The following FUNDC2 variants were observed in gnomAD, a reference collection of about 807,000 sequenced individuals.
FUNDC2 encodes the protein FUN14 domain-containing protein 2.
FUNDC2 carries 4 observed loss-of-function variants against 15.6 expected under a neutral mutation model. That is an observed-to-expected ratio of 0.26 (90% CI 0.13 to 0.59). FUNDC2 has a LOEUF of 0.59. FUNDC2 is among the 20% of genes least tolerant of loss of function. The pLI is 0.90. For missense variants in FUNDC2, 98 were observed against 149.7 expected, an observed-to-expected ratio of 0.65 and a Z score of 1.80; for synonymous variants, 44 against 56.9, an observed-to-expected ratio of 0.77 and a Z score of 1.02.
Position 155,058,556 on chromosome X carries a change from A to G in FUNDC2, c.*3884A>G, listed in dbSNP as rs1410805697. On this transcript the variant is annotated 3_prime_UTR_variant, in exon 5 of 5. Transcript: ENST00000369498. ...AAGCTCACAGCCAGTTTTGGACCCC[A>G]GAGAAAAATGTGGCTGCTGCCCTCT... 1 of 110,247 alleles carries G rather than the reference A, an allele frequency of 9.1e-6. No homozygotes were observed. Among genetic ancestry groups the G allele is most frequent in the Non-Finnish European group, 1.9e-5 (1 of 52,826 alleles). The allele number at this position is 110,247 out of a possible 1,213,427, so 9.1% of individuals were successfully genotyped here.
In FUNDC2 at chrX:155,059,946, G is replaced by C. The variant is rs1236812061; in HGVS notation, c.*5274G>C. 1.8e-5 allele frequency: 2 copies of C among 111,493 alleles called. No individual in the cohort carries two copies. The highest frequency in any genetic ancestry group is 6.5e-5 in the African/African-American group (2 of 30,565). 9.2% of individuals were successfully genotyped at this position (111,493 alleles called of 1,213,427 possible). A position where few individuals can be genotyped will look rare whatever the true frequency, so the allele number is the denominator to read the frequency against. On this transcript the variant is annotated 3_prime_UTR_variant, in exon 5 of 5. Coordinates refer to ENST00000369498, the MANE Select transcript of FUNDC2 (RefSeq NM_023934.4). Reference sequence around the variant, plus strand: ...CACTCCCCTTTTGCTTTCTGCCATGGCTGTAAGTTTCCTGAGGCGTCCCCA... The same window carrying C: ...CACTCCCCTTTTGCTTTCTGCCATGCCTGTAAGTTTCCTGAGGCGTCCCCA...
At chrX:155,046,085 A>G (rs782720037) in intron 2 of FUNDC2, among the ~76,000 whole-genome samples, 50 of 108,377 alleles carry the variant, frequency 4.6e-4, no homozygotes, top group African/African-American at 1.6e-3. Context: ...CCTTGCAACC[A>G]TCCTGTCCTC....
rs1443059519 is a variant in FUNDC2 at position 155,055,390 on chromosome X, T to G, written c.*718T>G. 3 of 294,184 alleles carry G rather than the reference T, an allele frequency of 1.0e-5. No homozygotes were observed. The highest frequency in any genetic ancestry group is 1.8e-5 in the Non-Finnish European group (3 of 169,608). The allele number at this position is 294,184 out of a possible 1,213,427, so 24.2% of individuals were successfully genotyped here. On this transcript the variant is annotated 3_prime_UTR_variant, in exon 5 of 5. Coordinates refer to ENST00000369498, the MANE Select transcript of FUNDC2 (RefSeq NM_023934.4). ...TTTAAGCTTTGAAATGTGAATGAAA[T>G]ATCCTTATCAAAACATTAGGGGTGG...
chrX:155,042,091 A>G (rs1373076343), intron 2 of FUNDC2, among the ~76,000 whole-genome samples: 2 of 107,707 alleles, frequency 1.9e-5, no homozygotes, highest in Non-Finnish European at 3.8e-5. Context: ...AAAAAAGAAA[A>G]AAAAGAAAAA....
chrX:155,043,932 A>G (rs2073854911), intron 2 of FUNDC2, among the ~76,000 whole-genome samples: 1 of 112,323 alleles, frequency 8.9e-6, no homozygotes, highest in Non-Finnish European at 1.9e-5. Flanking sequence ...AACAGTAGAC[A>G]ATGAGGGTAG....
rs1188232560 is a variant in FUNDC2, at chrX:155,057,508, G to C, written c.*2836G>C. 3.6e-5 allele frequency: 4 copies of C among 111,551 alleles called. No individual in the cohort carries two copies. The highest frequency in any genetic ancestry group is 7.5e-5 in the Non-Finnish European group (4 of 53,049). The allele number at this position is 111,551 out of a possible 1,213,427, so 9.2% of individuals were successfully genotyped here. On this transcript the variant is annotated 3_prime_UTR_variant, in exon 5 of 5. Coordinates refer to ENST00000369498, the MANE Select transcript of FUNDC2 (RefSeq NM_023934.4). Reference sequence around the variant, plus strand: ...ATATGGTCCGCAGAAACTTGACTTGGAATGTGTTCGGGGTTTCATCGCCCC... The same window carrying C: ...ATATGGTCCGCAGAAACTTGACTTGCAATGTGTTCGGGGTTTCATCGCCCC...
chrX:155,039,007 A>G (rs2073839930), intron 2 of FUNDC2, among the ~76,000 whole-genome samples: 1 of 112,082 alleles, frequency 8.9e-6, no homozygotes, highest in Admixed American at 9.4e-5. Context: ...ATCCTCACCA[A>G]CACTTGTTAT....
chrX:155,049,792 A>G (rs1213847407), intron 3 of FUNDC2: 1 of 112,308 alleles, frequency 8.9e-6, no homozygotes, highest in Non-Finnish European at 1.9e-5. Flanking sequence ...CTCAGTATAC[A>G]GATCCTGTAT....
chrX:155,034,548 A>C (rs781957296), intron 2 of FUNDC2, among the ~76,000 whole-genome samples: 1 of 111,831 alleles, frequency 8.9e-6, no homozygotes, highest in East Asian at 2.8e-4. Context: ...TTGCTAGGTA[A>C]TGGGTATAGG....
chrX:155,059,725 C>T lies in FUNDC2; in HGVS notation c.*5053C>T, dbSNP rs782188278. The T allele has an allele frequency of 5.3e-5, 6 of 112,331 alleles. No individual in the cohort carries two copies. The highest frequency in any genetic ancestry group is 9.4e-5 in the Non-Finnish European group (5 of 53,248). 9.3% of individuals were successfully genotyped at this position (112,331 alleles called of 1,213,427 possible). On this transcript the variant is annotated 3_prime_UTR_variant, in exon 5 of 5. Transcript: ENST00000369498. ...GAACCTTTCAAAACTGAAAGAAAGTCGTATACTGATACAGTTTGGAGCCAC... is the reference window on the plus strand; with the variant it reads ...GAACCTTTCAAAACTGAAAGAAAGTTGTATACTGATACAGTTTGGAGCCAC...
chrX:155,055,192 G>T lies in FUNDC2; in HGVS notation c.*520G>T. On this transcript the variant is annotated 3_prime_UTR_variant, in exon 5 of 5. Transcript: ENST00000369498. The stretch of plus-strand genomic sequence containing the variant: ...TATTTAAATGTGTTATAATTATGCC[G>T]ACAAAATTGGCAGCATAATTACTGT... The T allele has an allele frequency of 3.4e-6, 1 of 297,370 alleles. No individual in the cohort carries two copies. The highest frequency in any genetic ancestry group is 5.9e-6 in the Non-Finnish European group (1 of 170,598). 24.5% of individuals were successfully genotyped at this position (297,370 alleles called of 1,213,427 possible).
Position 155,055,272 on chromosome X carries a change from T to C in FUNDC2, c.*600T>C. ...GCTTTCTACCGTACAGGATAATGTA[T>C]CTCATGGCTGTTTCCAAAGGGTTTA... is the stretch of plus-strand genomic sequence containing the variant. On this transcript the variant is annotated 3_prime_UTR_variant, in exon 5 of 5. Transcript: ENST00000369498. 3.4e-6 allele frequency: 1 copy of C among 297,583 alleles called. No individual in the cohort carries two copies. Among genetic ancestry groups the C allele is most frequent in the Non-Finnish European group, 5.9e-6 (1 of 170,337 alleles). The allele number at this position is 297,583 out of a possible 1,213,427, so 24.5% of individuals were successfully genotyped here.
intron 3 of FUNDC2, chrX:155,049,545 A>C (rs1214320319): frequency 1.8e-5 from 2 of 112,579 alleles, no homozygotes; most frequent in African/African-American, 6.5e-5. Context: ...GTTCTTTTTC[A>C]GATTCATTTT....
intron 2 of FUNDC2, among the ~76,000 whole-genome samples, chrX:155,036,683 G>GT (rs1319817713): frequency 9.1e-6 from 1 of 109,777 alleles, no homozygotes. Context: ...AGGAATCCAA[G>GT]TTTTTTTTGC....
At chrX:155,041,501 T>A (rs1485564174) in intron 2 of FUNDC2, among the ~76,000 whole-genome samples, 3 of 111,313 alleles carry the variant, frequency 2.7e-5, no homozygotes, top group Non-Finnish European at 3.8e-5. Flanking sequence ...CTGAAAGACT[T>A]CCTTTAACAT....
Position 155,057,051 on chromosome X carries a change from G to GC in FUNDC2, c.*2379_*2380insC, listed in dbSNP as rs1557291081. On this transcript the variant is annotated 3_prime_UTR_variant, in exon 5 of 5. Coordinates refer to ENST00000369498, the MANE Select transcript of FUNDC2 (RefSeq NM_023934.4). ...CAGGTTGGCCTCATCCTGCTAGTAT[G>GC]AGAACGGCTGTGAGTTCTGCCCACG... The GC allele has an allele frequency of 1.0e-5, 1 of 97,371 alleles. No homozygotes were observed. Among genetic ancestry groups the GC allele is most frequent in the African/African-American group, 3.7e-5 (1 of 27,101 alleles). The allele number at this position is 97,371 out of a possible 1,213,427, so 8.0% of individuals were successfully genotyped here.
At chrX:155,043,857 G>C (rs1176432721) in intron 2 of FUNDC2, among the ~76,000 whole-genome samples, 1 of 112,096 alleles carries the variant, frequency 8.9e-6, no homozygotes, top group Non-Finnish European at 1.9e-5. Flanking sequence ...AGTCTTATGA[G>C]GTTCTCCATG....
intron 4 of FUNDC2, among the ~76,000 whole-genome samples, chrX:155,052,430 AAT>A (rs1557290567): frequency 8.9e-6 from 1 of 112,143 alleles, no homozygotes; most frequent in African/African-American, 3.2e-5. Context: ...TACCTTTAGA[AAT>A]ATGTCAGATG....
intron 1 of FUNDC2, among the ~76,000 whole-genome samples, chrX:155,030,277 T>A (rs1022393946): frequency 2.9e-5 from 3 of 101,959 alleles, no homozygotes; most frequent in Non-Finnish European, 5.8e-5. Flanking sequence ...ACACTTGTAA[T>A]CCCAGCACTT....
Sources: allele counts gnomAD v4.1 joint callset (sites outside exome capture counted in the v4.1 genomes callset), GRCh38; gene constraint gnomAD v4.1.1; transcripts MANE v1.5; gene names NCBI Gene and HGNC (gene_info 2026-07-23, HGNC 2026-07-21).